The following TNRC6C variants were observed in gnomAD, a reference collection of about 807,000 sequenced individuals.
TNRC6C encodes trinucleotide repeat containing adaptor 6C.
TNRC6C carries 20 observed loss-of-function variants against 153.7 expected under a neutral mutation model. The observed-to-expected ratio is 0.13, with a 90% CI of 0.09 to 0.19. TNRC6C has a LOEUF of 0.19. TNRC6C is among the 10% of genes least tolerant of loss of function. The pLI, the probability that TNRC6C is intolerant of heterozygous loss-of-function variation, is 1.00. For synonymous variants in TNRC6C, 811 were observed against 841.4 expected (o/e 0.96, Z 0.63); for missense variants, 1,987 against 2,172.0 (o/e 0.91, Z 1.69).
At chr17:78,009,642 C>T (rs1288695775) in intron 1 of TNRC6C, among the ~76,000 whole-genome samples, 1 of 152,024 alleles carries the variant, frequency 6.6e-6, no homozygotes, top group African/African-American at 2.4e-5. Context: ...GGAACCTCTG[C>T]CTCCCAGGTT....
intron 16 of TNRC6C, 67 bp downstream of exon 19, chr17:78,097,928 G>T: frequency 7.8e-7 from 1 of 1,281,312 alleles, no homozygotes; most frequent in Non-Finnish European, 1.1e-6. Context: ...ACTTTGACAG[G>T]CCCCAGCTTT....
intron 1 of TNRC6C, among the ~76,000 whole-genome samples, chr17:77,986,082 T>C (rs1469597002): frequency 2.6e-5 from 4 of 152,132 alleles, no homozygotes; most frequent in Non-Finnish European, 4.4e-5. Context: ...AAAAAAATTA[T>C]AAAATACCTA....
upstream of TNRC6C, among the ~76,000 whole-genome samples, chr17:78,003,673 G>A (rs181491959): frequency 2.6e-5 from 4 of 152,268 alleles, no homozygotes; most frequent in South Asian, 4.1e-4. Context: ...GAACTGAAAG[G>A]TATGAGCTGA....
chr17:78,071,502 C>T (rs1329818795), intron 6 of TNRC6C, among the ~76,000 whole-genome samples: 2 of 152,052 alleles, frequency 1.3e-5, no homozygotes, highest in Non-Finnish European at 2.9e-5. Context: ...CCTCCTGTCT[C>T]GGCCTCCCGA....
chr17:77,984,832 A>G (rs1056687296), intron 1 of TNRC6C, among the ~76,000 whole-genome samples: 4 of 152,108 alleles, frequency 2.6e-5, no homozygotes, highest in African/African-American at 9.7e-5. Context: ...TTATACGCAC[A>G]CACACACACA....
chr17:78,089,554 G>C (rs184844894), intron 13 of TNRC6C, among the ~76,000 whole-genome samples: 3 of 152,202 alleles, frequency 2.0e-5, no homozygotes, highest in African/African-American at 7.2e-5. Context: ...GTCAGTAGTG[G>C]GGGCTCCTAG....
At chr17:77,960,396 C>A (rs1368023007) in intron 1 of TNRC6C, among the ~76,000 whole-genome samples, 1 of 152,138 alleles carries the variant, frequency 6.6e-6, no homozygotes, top group Non-Finnish European at 1.5e-5. Context: ...ACAAGGTAGC[C>A]AATTTATGGT....
At chr17:78,066,576 A>C (rs1449114162) in intron 4 of TNRC6C, 2 of 152,208 alleles carry the variant, frequency 1.3e-5, no homozygotes, top group East Asian at 3.8e-4. Context: ...TTGTATCTTC[A>C]TTGAAGACCC....
chr17:77,973,959 T>TTTGTTG (rs372932549), intron 1 of TNRC6C, among the ~76,000 whole-genome samples: 32 of 151,214 alleles, frequency 2.1e-4, no homozygotes, highest in African/African-American at 7.8e-4. Context: ...CCAGAAGGCT[T>TTTGTTG]TTGTTGTTGT....
chr17:78,038,915 G>T (rs1248358764), intron 2 of TNRC6C, among the ~76,000 whole-genome samples: 4 of 150,708 alleles, frequency 2.7e-5, no homozygotes, highest in African/African-American at 9.8e-5. Flanking sequence ...CAGGCGACCA[G>T]CGAGAGTGTG....
chr17:78,049,040 A>G lies in TNRC6C; in HGVS notation c.-23A>G, dbSNP rs201680674. 351 of 1,494,128 alleles carry G rather than the reference A, an allele frequency of 2.3e-4. 1 individual carries two copies. The Middle Eastern group carries it at 2.7e-3, about 12-fold the overall frequency. The allele number at this position is 1,494,128 out of a possible 1,614,324, so 92.6% of individuals were successfully genotyped here. On this transcript the variant is annotated 5_prime_UTR_variant, in exon 3 of 20. Coordinates refer to ENST00000301624, the Ensembl canonical transcript of TNRC6C. This position sits in a 1 kb window ranked among gnomAD's most constrained non-coding sequence, Gnocchi z 4.1. ...ACTACAGACACTGACTCTGCCTCCAACTGTGGCTCAGAGAACAGTAGCATG... is the reference window on the plus strand; with the variant it reads ...ACTACAGACACTGACTCTGCCTCCAGCTGTGGCTCAGAGAACAGTAGCATG...
At chr17:77,978,297 C>T (rs891698282) in intron 1 of TNRC6C, among the ~76,000 whole-genome samples, 1 of 152,166 alleles carries the variant, frequency 6.6e-6, no homozygotes, top group Non-Finnish European at 1.5e-5. Context: ...AAGAACTCTA[C>T]TAATATTCCT....
At chr17:78,010,810 A>G (rs2071613886) in intron 1 of TNRC6C, among the ~76,000 whole-genome samples, 1 of 152,246 alleles carries the variant, frequency 6.6e-6, no homozygotes, top group Non-Finnish European at 1.5e-5. Context: ...GGAAACAAAA[A>G]AAATATTAAG....
At chr17:78,038,981 A>G (rs971976088) in intron 2 of TNRC6C, among the ~76,000 whole-genome samples, 1 of 151,948 alleles carries the variant, frequency 6.6e-6, no homozygotes, top group African/African-American at 2.4e-5. Context: ...ATGTGGCAGG[A>G]TTTATCAAAA....
intron 1 of TNRC6C, among the ~76,000 whole-genome samples, chr17:77,998,644 T>A (rs940594957): frequency 6.6e-6 from 1 of 152,238 alleles, no homozygotes; most frequent in African/African-American, 2.4e-5. Context: ...TGGTTTAGTT[T>A]TTTAGTTCTA....
intron 1 of TNRC6C, among the ~76,000 whole-genome samples, chr17:77,989,465 G>A (rs1186458599): frequency 6.6e-6 from 1 of 152,164 alleles, no homozygotes; most frequent in Non-Finnish European, 1.5e-5. Flanking sequence ...TACTTTGTCT[G>A]GGACTTGCTC....
At chr17:78,071,275 G>A (rs2072991190) in intron 6 of TNRC6C, 110 bp downstream of exon 8, 1 of 1,094,104 alleles carries the variant, frequency 9.1e-7, no homozygotes, top group African/African-American at 1.6e-5. Flanking sequence ...AAGATTGTTT[G>A]AGGAATGAGA....
chr17:77,995,164 C>T (rs1382704801), intron 1 of TNRC6C, among the ~76,000 whole-genome samples: 1 of 152,236 alleles, frequency 6.6e-6, no homozygotes, highest in Admixed American at 6.5e-5. Flanking sequence ...TGCCCCCAGC[C>T]TGAGGTGGAA....
chr17:78,027,097 G>A (rs769390307), intron 1 of TNRC6C, among the ~76,000 whole-genome samples: 4 of 152,168 alleles, frequency 2.6e-5, no homozygotes, highest in Non-Finnish European at 4.4e-5. Flanking sequence ...TAGTGGCATA[G>A]AGAAGAAGGC....
Sources: gnomAD v4.1 joint callset for allele counts (sites outside exome capture counted in the v4.1 genomes callset) on GRCh38, gnomAD v4.1.1 for gene constraint, Gnocchi (gnomAD v3.1) non-coding constraint, MANE v1.5 for transcripts, NCBI Gene and HGNC (gene_info 2026-07-23, HGNC 2026-07-21) for gene names.